Variants in SLC15A2 observed in about 807,000 individuals in gnomAD.
SLC15A2 encodes solute carrier family 15 member 2, also known as kidney H(+)/peptide cotransporter.
SLC15A2 carries 77 observed loss-of-function variants against 95.5 expected under a neutral mutation model. That is an observed-to-expected ratio of 0.81 (90% CI 0.67 to 0.97). SLC15A2 has a LOEUF of 0.97. Ranked by LOEUF, SLC15A2 falls within the 50% of genes least tolerant of loss-of-function variation. The pLI is 0.00. For missense variants in SLC15A2, 893 were observed against 874.4 expected (o/e 1.02, Z -0.27); for synonymous variants, 306 against 306.9 (o/e 1.00, Z 0.03).
At chr3:121,928,244 T>C in intron 14 of SLC15A2, 177 bp from the exon 15 acceptor site, 1 of 675,542 alleles carries the variant, frequency 1.5e-6, no homozygotes, top group Non-Finnish European at 2.5e-6. Flanking sequence ...TACAATGAGC[T>C]GATGTTTCCC....
At chr3:121,904,085 C>G (rs1709580146) in intron 3 of SLC15A2, among the ~76,000 whole-genome samples, 1 of 152,116 alleles carries the variant, frequency 6.6e-6, no homozygotes, top group Non-Finnish European at 1.5e-5. Flanking sequence ...AAGTTGGATT[C>G]CTAGGTATTT....
intron 5 of SLC15A2, among the ~76,000 whole-genome samples, chr3:121,913,943 C>A (rs1559845207): frequency 6.7e-6 from 1 of 148,778 alleles, no homozygotes; most frequent in South Asian, 2.3e-4. Context: ...TTCTCTCTCT[C>A]CCCCCCACCT....
At chr3:121,907,554 T>C (rs1333300161) in intron 3 of SLC15A2, among the ~76,000 whole-genome samples, 1 of 152,248 alleles carries the variant, frequency 6.6e-6, no homozygotes, top group African/African-American at 2.4e-5. Context: ...ATGTCCTTTC[T>C]GTTGATGTTG....
At chr3:121,913,536 G>C (rs1033168939) in intron 5 of SLC15A2, among the ~76,000 whole-genome samples, 2 of 152,202 alleles carry the variant, frequency 1.3e-5, no homozygotes, top group African/African-American at 4.8e-5. Flanking sequence ...ACTCTAACTT[G>C]AGGTATTTAG....
chr3:121,897,599 C>G, intron 3 of SLC15A2, 70 bp downstream of exon 3: 1 of 1,519,294 alleles, frequency 6.6e-7, no homozygotes, highest in Non-Finnish European at 9.0e-7. Context: ...CTTCTAGCCT[C>G]TTGCTTCTGA....
chr3:121,913,220 T>C, intron 5 of SLC15A2, 100 bp downstream of exon 5: 1 of 821,432 alleles, frequency 1.2e-6, no homozygotes, highest in African/African-American at 1.7e-5. Context: ...AATGTACTGG[T>C]CAGATCTTAT....
chr3:121,936,446 C>T (rs911341381), intron 19 of SLC15A2, among the ~76,000 whole-genome samples: 55 of 152,200 alleles, frequency 3.6e-4, no homozygotes, highest in Middle Eastern at 6.8e-3. Flanking sequence ...ACTCTGGGTG[C>T]TCCTGTATTG....
intron 1 of SLC15A2, 57 bp from the exon 2 acceptor site, chr3:121,896,349 A>T: frequency 7.3e-7 from 1 of 1,367,240 alleles, no homozygotes; most frequent in Non-Finnish European, 1.0e-6. Flanking sequence ...AAGAAATCTA[A>T]TTGTTGAAAC....
chr3:121,914,736 A>T (rs1359776046), intron 5 of SLC15A2, among the ~76,000 whole-genome samples: 1 of 152,080 alleles, frequency 6.6e-6, no homozygotes, highest in African/African-American at 2.4e-5. Context: ...ACATACTGAA[A>T]AAACAGACAC....
intron 3 of SLC15A2, among the ~76,000 whole-genome samples, chr3:121,897,889 C>G (rs926516426): frequency 6.6e-6 from 1 of 152,122 alleles, no homozygotes; most frequent in African/African-American, 2.4e-5. Context: ...TAGCCAGGTG[C>G]GGTGGCTCAC....
intron 3 of SLC15A2, among the ~76,000 whole-genome samples, chr3:121,899,597 A>G (rs1709486157): frequency 3.3e-5 from 5 of 152,148 alleles, no homozygotes; most frequent in Admixed American, 3.3e-4. Flanking sequence ...ATCAGTTCTT[A>G]TGGTAGAGTA....
Position 121,931,642 on chromosome 3 carries a change from C to T in SLC15A2, c.1668C>T (p.Tyr556=). 1 of 1,604,886 alleles carries T rather than the reference C, an allele frequency of 6.2e-7. No homozygotes were observed. Among genetic ancestry groups the T allele is most frequent in the Admixed American group, 1.7e-5 (1 of 59,986 alleles). Residue 556 remains tyrosine (Y), a synonymous_variant, in exon 19 of 22, where the codon TAC becomes TAT. Coordinates refer to ENST00000489711, the MANE Select transcript of SLC15A2 (RefSeq NM_021082.4). ...SAYRTVQRGE[Y]PAVHCRTEDK... The stretch of plus-strand genomic sequence containing the variant: ...ACCTAAATTCATCCTGTTCCAGATA[C>T]CCTGCAGTGCACTGTAGAACAGAAG...
At chr3:121,896,746 G>A (rs527985042) in intron 2 of SLC15A2, among the ~76,000 whole-genome samples, 108 of 151,966 alleles carry the variant, frequency 7.1e-4, no homozygotes, top group Middle Eastern at 3.4e-3. Context: ...GGGTGGAGCT[G>A]GGCATGATGG....
chr3:121,912,947 C>G (rs1477656138), intron 4 of SLC15A2, 74 bp from the exon 5 acceptor site: 5 of 1,037,412 alleles, frequency 4.8e-6, no homozygotes. Flanking sequence ...TTTTTCCCCT[C>G]TGCAGCTCTG....
chr3:121,898,161 C>CA (rs60394236), intron 3 of SLC15A2, among the ~76,000 whole-genome samples: 34,428 of 140,106 alleles, frequency 0.25, 4,385 homozygotes, highest in Admixed American at 0.39. Flanking sequence ...GACTCTGTCT[C>CA]AAAAAAAAAA....
rs1326604004 is a variant in SLC15A2 at position 121,925,735 on chromosome 3, T to C, written c.1124+702T>C. On this transcript the variant is annotated intron_variant, in intron 13 of 21. Coordinates refer to ENST00000489711, the MANE Select transcript of SLC15A2 (RefSeq NM_021082.4). ...TAGTAAAGGGGCTAGACTATATATA[T>C]ATATATATATATATATATATATATA... Among the ~76,000 whole-genome samples the C allele has an allele frequency of 1.1e-3, 12 of 10,810 alleles. 1 individual carries two copies. The highest frequency in any genetic ancestry group is 5.8e-3 in the South Asian group (2 of 344). The allele number at this position is 10,810 out of a possible 152,430, so 7.1% of individuals were successfully genotyped here.
At chr3:121,901,121 C>T (rs564919467) in intron 3 of SLC15A2, among the ~76,000 whole-genome samples, 2 of 152,140 alleles carry the variant, frequency 1.3e-5, no homozygotes, top group South Asian at 2.1e-4. Context: ...CAGGTCCAAG[C>T]GATTCTCCTG....
chr3:121,919,027 A>G (rs949265632), intron 7 of SLC15A2, among the ~76,000 whole-genome samples: 3 of 152,164 alleles, frequency 2.0e-5, no homozygotes, highest in Non-Finnish European at 2.9e-5. Context: ...TGCGGCATCT[A>G]GACAAGGGGA....
At chr3:121,933,214 A>G (rs1429653714) in intron 19 of SLC15A2, among the ~76,000 whole-genome samples, 2 of 148,944 alleles carry the variant, frequency 1.3e-5, no homozygotes, top group Non-Finnish European at 3.0e-5. Flanking sequence ...TAATGCCGCA[A>G]TAAACATATG....
Sources: allele counts gnomAD v4.1 joint callset (sites outside exome capture counted in the v4.1 genomes callset), GRCh38; gene constraint gnomAD v4.1.1; transcripts MANE v1.5; gene names NCBI Gene and HGNC (gene_info 2026-07-23, HGNC 2026-07-21).